Variants in KIDINS220 observed in about 807,000 individuals in gnomAD.
KIDINS220 encodes the protein kinase D-interacting substrate of 220 kDa.
Under a neutral mutation model 157.6 loss-of-function variants are expected in KIDINS220, and 63 were observed. The ratio of observed to expected loss-of-function variants is 0.40; its 90% CI spans 0.33 to 0.49. The LOEUF (loss-of-function observed/expected upper bound fraction) is 0.49, where lower values mean the gene tolerates loss of function less well. KIDINS220 is among the 20% of genes least tolerant of loss of function. KIDINS220 has a pLI of 0.66. For synonymous variants in KIDINS220, 732 were observed against 783.6 expected (o/e 0.93, Z 1.10); for missense variants, 1,772 against 2,171.2 (o/e 0.82, Z 3.65).
chr2:8,821,939 C>T (rs74374490), intron 2 of KIDINS220, among the ~76,000 whole-genome samples: 138 of 152,246 alleles, frequency 9.1e-4, no homozygotes, highest in Middle Eastern at 3.4e-3. Flanking sequence ...CAGTAAAGAT[C>T]CTTTCCATAC....
chr2:8,740,072 G>A (rs2147991105), intron 26 of KIDINS220: 1 of 537,688 alleles, frequency 1.9e-6, no homozygotes, highest in Non-Finnish European at 2.4e-6. Context: ...CAGATTTATA[G>A]ACAGCCCAGC....
intron 10 of KIDINS220, among the ~76,000 whole-genome samples, chr2:8,797,999 A>G (rs1374096970): frequency 6.6e-6 from 1 of 152,256 alleles, no homozygotes; most frequent in Non-Finnish European, 1.5e-5. Context: ...CCTGAGAAGT[A>G]TTTAATTGAA....
chr2:8,825,424 A>G (rs939201239), intron 2 of KIDINS220, among the ~76,000 whole-genome samples: 1 of 151,858 alleles, frequency 6.6e-6, no homozygotes, highest in Non-Finnish European at 1.5e-5. Flanking sequence ...ATGGAGAAAT[A>G]CTTAATACTC....
chr2:8,773,394 T>C (rs1477303767), intron 21 of KIDINS220, among the ~76,000 whole-genome samples: 4 of 152,092 alleles, frequency 2.6e-5, no homozygotes, highest in South Asian at 4.1e-4. Context: ...TGTCTGAAAA[T>C]GTCTAAATAT....
At chr2:8,726,601 G>C (rs75321231), downstream of KIDINS220, among the ~76,000 whole-genome samples, 2,241 of 152,280 alleles carry the variant, frequency 0.015, 74 homozygotes, top group African/African-American at 0.051. Flanking sequence ...TGTCGTGGGA[G>C]CATCACAGAG....
intron 2 of KIDINS220, among the ~76,000 whole-genome samples, chr2:8,821,845 T>G (rs767651627): frequency 6.6e-6 from 1 of 152,236 alleles, no homozygotes; most frequent in Non-Finnish European, 1.5e-5. Context: ...TCCTAGTTCT[T>G]GCTTAACCAG....
chr2:8,733,752 T>C, intron 28 of KIDINS220, 72 bp from the exon 29 acceptor site: 2 of 1,010,776 alleles, frequency 2.0e-6, no homozygotes, highest in Non-Finnish European at 2.8e-6. Context: ...TATTTAGAAA[T>C]ACCAAACATT....
At chr2:8,732,085 C>T (rs1664207786) in intron 29 of KIDINS220, 103 bp from the exon 30 acceptor site, 2 of 935,292 alleles carry the variant, frequency 2.1e-6, no homozygotes, top group East Asian at 5.7e-5. Flanking sequence ...TTTAAAAAGT[C>T]ATCAAAACAT....
intron 26 of KIDINS220, among the ~76,000 whole-genome samples, chr2:8,744,383 AAAAAAATATATATATATAAT>A (rs1666159634): frequency 1.7e-4 from 5 of 28,936 alleles, no homozygotes; most frequent in African/African-American, 5.3e-4. Flanking sequence ...AAAAAAAAAA[AAAAAAATATATATATATAAT>A]ATATATATAT....
chr2:8,782,263 G>A (rs1480425024), intron 17 of KIDINS220, among the ~76,000 whole-genome samples: 2 of 152,002 alleles, frequency 1.3e-5, no homozygotes, highest in Non-Finnish European at 2.9e-5. Flanking sequence ...CCAAAAGCTA[G>A]TTAGTTCAAA....
chr2:8,795,366 T>C (rs1673764043), intron 11 of KIDINS220, among the ~76,000 whole-genome samples: 1 of 152,246 alleles, frequency 6.6e-6, no homozygotes, highest in South Asian at 2.1e-4. Context: ...AGCAGCAGCA[T>C]TTCTGCCAGA....
In KIDINS220 at chr2:8,767,138, C is replaced by CTT. The variant is rs750131942; in HGVS notation, c.3011+3530_3011+3531dup. 1.7e-4 allele frequency among the ~76,000 whole-genome samples: 26 copies of CTT among 152,146 alleles called. 1 individual carries two copies. Among genetic ancestry groups the CTT allele is most frequent in the Non-Finnish European group, 3.5e-4 (24 of 67,988 alleles). ...TTTCCTCTCCTATATGGGGAATTAT[C>CTT]TTGTAATTTTACAAATAACTAGATC... On this transcript the variant is annotated intron_variant, in intron 22 of 29. Coordinates refer to ENST00000256707, the MANE Select transcript of KIDINS220 (RefSeq NM_020738.4).
At chr2:8,816,195 A>C (rs986001623) in intron 4 of KIDINS220, among the ~76,000 whole-genome samples, 1 of 152,230 alleles carries the variant, frequency 6.6e-6, no homozygotes, top group Non-Finnish European at 1.5e-5. Flanking sequence ...AGTTTAAGAA[A>C]TCAGTTTTTA....
chr2:8,750,273 G>A lies in KIDINS220; in HGVS notation c.3253C>T (p.His1085Tyr). The change falls in exon 24 of 30, where the codon CAT becomes TAT. Residue 1085 changes from histidine (H) to tyrosine (Y), a missense_variant. Physicochemically the swap from His to Tyr is moderately conservative, Grantham distance 83. Coordinates refer to ENST00000256707, the MANE Select transcript of KIDINS220 (RefSeq NM_020738.4). ...GATGGCGCCCTAGGAGGACCCTCAT[G>A]TAGAGGGAGCGGGGGGTACGCCAGT... ...GGLAYPPLPL[H>Y]EGPPRAPSGY... 6.2e-7 allele frequency: 1 copy of A among 1,613,844 alleles called. No homozygotes were observed. Among genetic ancestry groups the A allele is most frequent in the Non-Finnish European group, 8.5e-7 (1 of 1,179,874 alleles).
chr2:8,783,457 T>C (rs1357574204), intron 17 of KIDINS220, among the ~76,000 whole-genome samples: 1 of 152,100 alleles, frequency 6.6e-6, no homozygotes. Flanking sequence ...AACATAGTAC[T>C]GCAAGTCCTA....
At chr2:8,815,684 T>A (rs1003117439) in intron 4 of KIDINS220, among the ~76,000 whole-genome samples, 1 of 151,836 alleles carries the variant, frequency 6.6e-6, no homozygotes, top group Admixed American at 6.6e-5. Flanking sequence ...GAAAAAAAAA[T>A]AAAGAATAAT....
At position 8,747,158 on chromosome 2, in the gene KIDINS220, G is replaced by C. The variant is rs888064009; in HGVS notation, c.3572C>G (p.Thr1191Arg). The change falls in exon 26 of 30, where the codon ACA becomes AGA. Residue 1191 changes from threonine to arginine, a missense_variant. This residue lies in a region of KIDINS220 where 793 missense variants were observed against 885.5 expected (regional missense o/e 0.90). Coordinates refer to ENST00000256707, the MANE Select transcript of KIDINS220 (RefSeq NM_020738.4). ...CTACTCCATTACCCTCGAGGAGTCT[G>C]TGGGTGAAGAAAGCCCCTCAGCAGC... ...EDAAEGLSSPTDSSRGSGPAP... is the reference protein window; with the variant it reads ...EDAAEGLSSPRDSSRGSGPAP... 34 of 1,613,948 alleles carry C rather than the reference G, an allele frequency of 2.1e-5. No individual in the cohort carries two copies. The highest frequency in any genetic ancestry group is 2.6e-5 in the Non-Finnish European group (31 of 1,179,944).
At chr2:8,780,289 T>C (rs1232176426) in intron 17 of KIDINS220, among the ~76,000 whole-genome samples, 2 of 150,124 alleles carry the variant, frequency 1.3e-5, no homozygotes, top group African/African-American at 4.8e-5. Flanking sequence ...GAGGAACTTA[T>C]ATTATTAGAC....
intron 1 of KIDINS220, among the ~76,000 whole-genome samples, chr2:8,835,982 A>C (rs563762552): frequency 6.6e-6 from 1 of 152,320 alleles, no homozygotes; most frequent in East Asian, 1.9e-4. Flanking sequence ...TCAAGGAATC[A>C]CCAGACAGTA....
Sources: gnomAD v4.1 joint callset for allele counts (sites outside exome capture counted in the v4.1 genomes callset) on GRCh38, gnomAD v4.1.1 for gene constraint, gnomAD v4.1.1 regional missense constraint, MANE v1.5 for transcripts, NCBI Gene and HGNC (gene_info 2026-07-23, HGNC 2026-07-21) for gene names.